LARGE1: variants seen among roughly 807,000 people sequenced by gnomAD.
LARGE1 encodes xylosyl- and glucuronyltransferase LARGE1.
A neutral mutation model predicts 87.6 loss-of-function variants in LARGE1; 43 were observed. The ratio of observed to expected loss-of-function variants is 0.49; its 90% confidence interval spans 0.38 to 0.63. The LOEUF is 0.63. Ranked by LOEUF, LARGE1 falls within the 30% of genes least tolerant of loss-of-function variation. The pLI, the probability that LARGE1 is intolerant of heterozygous loss-of-function variation, is 0.00. For synonymous variants in LARGE1, 434 were observed against 394.6 expected (o/e 1.10, Z -1.18); for missense variants, 802 against 1,000.2 (o/e 0.80, Z 2.67).
chr22:33,130,101 T>G, the LARGE1 span, among the ~76,000 whole-genome samples: 2 of 151,802 alleles, frequency 1.3e-5, no homozygotes, highest in African/African-American at 4.8e-5. Flanking sequence ...GATCACAAGG[T>G]CAGGAGATCG....
At chr22:33,747,488 G>A (rs756500829) in intron 2 of LARGE1, among the ~76,000 whole-genome samples, 9 of 152,112 alleles carry the variant, frequency 5.9e-5, no homozygotes, top group Non-Finnish European at 1.2e-4. Context: ...TCTGCTTAAT[G>A]TCACCAGTAA....
the LARGE1 span, among the ~76,000 whole-genome samples, chr22:33,106,412 C>G: frequency 1.3e-5 from 2 of 152,172 alleles, no homozygotes; most frequent in Admixed American, 6.5e-5. Flanking sequence ...CACAAGAGTC[C>G]AGGTGGGAGT....
chr22:33,162,232 T>C (rs1922054058), exon 12 of LARGE1: 1 of 152,196 alleles, frequency 6.6e-6, no homozygotes. Context: ...GCATGATTTA[T>C]AAAGAAAAGA....
At chr22:33,459,293 CA>C (rs1308095195) in intron 6 of LARGE1, among the ~76,000 whole-genome samples, 2 of 152,132 alleles carry the variant, frequency 1.3e-5, no homozygotes, top group Admixed American at 1.3e-4. Context: ...AGCTGAGATT[CA>C]AACTGGGTTT....
intron 3 of LARGE1, among the ~76,000 whole-genome samples, chr22:33,645,778 G>A (rs57806024): frequency 0.048 from 7,320 of 152,104 alleles, 533 homozygotes; most frequent in African/African-American, 0.16. Context: ...AAAAAGTGGC[G>A]AAGGTATGAA....
the LARGE1 span, among the ~76,000 whole-genome samples, chr22:33,136,430 G>A: frequency 2.0e-5 from 3 of 152,152 alleles, no homozygotes; most frequent in Non-Finnish European, 4.4e-5. Flanking sequence ...AGAACAGTAT[G>A]GGAGAAACCA....
chr22:33,480,105 C>T (rs376499060), intron 6 of LARGE1, among the ~76,000 whole-genome samples: 6 of 152,244 alleles, frequency 3.9e-5, no homozygotes, highest in African/African-American at 1.4e-4. Context: ...AGACGCTGAC[C>T]CTGCCCCCCA....
At chr22:33,580,140 G>C (rs1040884585) in intron 5 of LARGE1, among the ~76,000 whole-genome samples, 1 of 151,892 alleles carries the variant, frequency 6.6e-6, no homozygotes, top group African/African-American at 2.4e-5. Flanking sequence ...GGAGGCCAAG[G>C]GGGGCAGATC....
At chr22:33,585,391 C>G (rs2078642435) in intron 5 of LARGE1, among the ~76,000 whole-genome samples, 2 of 152,096 alleles carry the variant, frequency 1.3e-5, no homozygotes, top group Non-Finnish European at 2.9e-5. Context: ...AGAATCATCA[C>G]TTTTTCAGTC....
chr22:33,699,093 T>C (rs1603195881), intron 2 of LARGE1, among the ~76,000 whole-genome samples: 1 of 152,204 alleles, frequency 6.6e-6, no homozygotes, highest in Non-Finnish European at 1.5e-5. Flanking sequence ...GATGTAAATA[T>C]GAACTGAGAC....
At chr22:33,845,108 G>A (rs993827463) in intron 1 of LARGE1, among the ~76,000 whole-genome samples, 7 of 152,038 alleles carry the variant, frequency 4.6e-5, no homozygotes, top group South Asian at 4.1e-4. Flanking sequence ...CACAGGTGAC[G>A]CATCTGTGAT....
intron 9 of LARGE1, among the ~76,000 whole-genome samples, chr22:33,371,970 C>T (rs568537185): frequency 2.5e-4 from 37 of 145,332 alleles, no homozygotes; most frequent in African/African-American, 6.6e-4. Context: ...GGCGACAGAG[C>T]GAGACTCCAT....
intron 6 of LARGE1, among the ~76,000 whole-genome samples, chr22:33,541,056 G>GGGGGC (rs2077183521): frequency 1.5e-5 from 1 of 68,706 alleles, no homozygotes; most frequent in African/African-American, 6.7e-5. Context: ...GTGGGTTGCG[G>GGGGGC]GGGGGGGGGG....
chr22:33,244,352 T>A (rs1247838423), intron 11 of LARGE1, among the ~76,000 whole-genome samples: 1 of 152,182 alleles, frequency 6.6e-6, no homozygotes, highest in Non-Finnish European at 1.5e-5. Context: ...TCACAAATTC[T>A]AATAAGCTAA....
intron 1 of LARGE1, among the ~76,000 whole-genome samples, chr22:33,838,228 T>C (rs182846700): frequency 8.5e-5 from 13 of 152,258 alleles, no homozygotes; most frequent in Admixed American, 4.6e-4. Context: ...CCCTACACAA[T>C]CTCTAGTAAC....
At chr22:33,089,314 TTTCTTCTTTC>T in the LARGE1 span, among the ~76,000 whole-genome samples, 2 of 115,680 alleles carry the variant, frequency 1.7e-5, no homozygotes, top group Non-Finnish European at 3.7e-5. Context: ...CTTCTTCTTC[TTTCTTCTTTC>T]TTCTTCTTCT....
intron 6 of LARGE1, among the ~76,000 whole-genome samples, chr22:33,513,096 C>T (rs185324234): frequency 3.3e-5 from 5 of 152,114 alleles, no homozygotes; most frequent in East Asian, 1.9e-4. Context: ...AGTGGAAGCA[C>T]GGCTGTCAGG....
intron 7 of LARGE1, among the ~76,000 whole-genome samples, chr22:33,419,550 G>A (rs1423882079): frequency 2.0e-5 from 3 of 152,076 alleles, no homozygotes; most frequent in Non-Finnish European, 4.4e-5. Flanking sequence ...TAGCTCAAAT[G>A]TCGTCTTCTC....
At chr22:33,245,538 G>A (rs1926715343) in intron 11 of LARGE1, among the ~76,000 whole-genome samples, 1 of 152,176 alleles carries the variant, frequency 6.6e-6, no homozygotes, top group African/African-American at 2.4e-5. Context: ...GGATTGTACT[G>A]GTGAAGCCAT....
Sources: gnomAD v4.1 joint callset for allele counts (sites outside exome capture counted in the v4.1 genomes callset) on GRCh38, gnomAD v4.1.1 for gene constraint, MANE v1.5 for transcripts, NCBI Gene and HGNC (gene_info 2026-07-23, HGNC 2026-07-21) for gene names.